The following LEPROTL1 variants were observed in gnomAD, a reference collection of about 807,000 sequenced individuals.
The protein encoded by LEPROTL1 is leptin receptor overlapping transcript like 1.
In LEPROTL1, 6 loss-of-function variants were observed where a neutral mutation model predicts 15.4. The observed-to-expected ratio is 0.39, with a 90% CI of 0.21 to 0.77. The LOEUF is 0.77. Among genes scored for constraint, LEPROTL1 ranks in the 30% least tolerant of loss-of-function variants. LEPROTL1 has a pLI of 0.41. For missense variants in LEPROTL1, 128 were observed against 158.1 expected (o/e 0.81, Z 1.02); for synonymous variants, 56 against 52.6 (o/e 1.06, Z -0.28).
At chr8:30,118,018 TG>T (rs1201785638) in intron 3 of LEPROTL1, among the ~76,000 whole-genome samples, 10 of 89,852 alleles carry the variant, frequency 1.1e-4, no homozygotes, top group African/African-American at 3.6e-4. Flanking sequence ...TTTTTTGATT[TG>T]TTTTTTTTTT....
chr8:30,130,375 A>G (rs1802983849), intron 3 of LEPROTL1, among the ~76,000 whole-genome samples: 1 of 152,236 alleles, frequency 6.6e-6, no homozygotes, highest in Admixed American at 6.5e-5. Context: ...TTTTATAAGT[A>G]AGTTGAATTA....
intron 3 of LEPROTL1, among the ~76,000 whole-genome samples, chr8:30,129,638 G>A (rs927175143): frequency 1.3e-5 from 2 of 151,778 alleles, no homozygotes; most frequent in Non-Finnish European, 2.9e-5. Context: ...CTAGGAGGCA[G>A]AGGTTGCAAT....
At chr8:30,137,535 G>C in exon 5 of LEPROTL1, 1 of 1,431,698 alleles carries the variant, frequency 7.0e-7, no homozygotes, top group Non-Finnish European at 9.6e-7. Flanking sequence ...ACTGCACCAT[G>C]TAGGCAACAC....
intron 1 of LEPROTL1, 30 bp downstream of exon 1, chr8:30,095,558 C>T: frequency 2.2e-6 from 3 of 1,363,706 alleles, no homozygotes; most frequent in Non-Finnish European, 1.9e-6. Context: ...CGCGGGAGGG[C>T]TGGGGCCGGC....
At chr8:30,118,119 G>C (rs1301989559) in intron 3 of LEPROTL1, among the ~76,000 whole-genome samples, 1 of 147,934 alleles carries the variant, frequency 6.8e-6, no homozygotes, top group Admixed American at 6.9e-5. Flanking sequence ...CTGCCTCCTG[G>C]GTTCAAGGGA....
intron 3 of LEPROTL1, among the ~76,000 whole-genome samples, chr8:30,131,278 GTATA>G (rs376348977): frequency 6.2e-4 from 59 of 95,054 alleles, no homozygotes; most frequent in African/African-American, 1.8e-3. Flanking sequence ...ATATGTGTGT[GTATA>G]TATATATATA....
intron 4 of LEPROTL1, chr8:30,132,642 C>T: frequency 6.4e-7 from 1 of 1,551,768 alleles, no homozygotes; most frequent in East Asian, 2.4e-5. Flanking sequence ...AGCTCAGAGC[C>T]CAGAAAGAGT....
chr8:30,108,738 A>G (rs765096757), downstream of LEPROTL1, among the ~76,000 whole-genome samples: 1 of 151,512 alleles, frequency 6.6e-6, no homozygotes, highest in Non-Finnish European at 1.5e-5. Flanking sequence ...AGCGATTCTC[A>G]TACCTCAGCC....
Position 30,124,799 on chromosome 8 carries a change from A to G in LEPROTL1, c.280-7576A>G, listed in dbSNP as rs574415822. Reference sequence around the variant, plus strand: ...GAAATTACCTTTGCTCTTCTCTTCAATCCTAAACAACATGTTCCCTTGAAT... The same window carrying G: ...GAAATTACCTTTGCTCTTCTCTTCAGTCCTAAACAACATGTTCCCTTGAAT... On this transcript the variant is annotated intron_variant, in intron 3 of 4. Coordinates refer to the LEPROTL1 transcript ENST00000442880. Among the ~76,000 whole-genome samples the G allele has an allele frequency of 2.0e-5, 3 of 152,360 alleles. No homozygotes were observed. The South Asian group carries it at 6.2e-4, about 32-fold the overall frequency.
rs1395637145 is a variant in LEPROTL1 at position 30,107,786 on chromosome 8, C to T, written c.*1924C>T. On this transcript the variant is annotated 3_prime_UTR_variant, in exon 4 of 4. Transcript: ENST00000321250. Reference sequence around the variant, plus strand: ...GCAGGAAGTGCATTCTCTGGTCCTTCCCTATTTTCTGTTCTGGATGTCAGT... The same window carrying T: ...GCAGGAAGTGCATTCTCTGGTCCTTTCCTATTTTCTGTTCTGGATGTCAGT... 1 of 985,230 alleles carries T rather than the reference C, an allele frequency of 1.0e-6. No homozygotes were observed. Among genetic ancestry groups the T allele is most frequent in the Non-Finnish European group, 1.2e-6 (1 of 829,928 alleles). 61.0% of individuals were successfully genotyped at this position (985,230 alleles called of 1,614,324 possible).
chr8:30,120,658 GT>G, intron 3 of LEPROTL1, among the ~76,000 whole-genome samples: 1 of 152,076 alleles, frequency 6.6e-6, no homozygotes, highest in African/African-American at 2.4e-5. Context: ...AGCCTCCCAT[GT>G]AGCTGGGACT....
At chr8:30,099,935 G>T (rs187018093) in intron 1 of LEPROTL1, among the ~76,000 whole-genome samples, 3 of 152,318 alleles carry the variant, frequency 2.0e-5, no homozygotes, top group Admixed American at 2.0e-4. Context: ...TCACAGGAGA[G>T]GTGGGCAGGG....
At chr8:30,109,229 C>T (rs1585467874), downstream of LEPROTL1, among the ~76,000 whole-genome samples, 2 of 152,120 alleles carry the variant, frequency 1.3e-5, no homozygotes, top group East Asian at 3.9e-4. Flanking sequence ...GTTTTAGATC[C>T]CAGGATGCTT....
chr8:30,100,298 T>G (rs1315676759), intron 1 of LEPROTL1, among the ~76,000 whole-genome samples: 1 of 152,234 alleles, frequency 6.6e-6, no homozygotes, highest in Non-Finnish European at 1.5e-5. Context: ...GCCTTTGTTT[T>G]GGTAACTTTT....
chr8:30,135,596 G>A (rs1232735241), intron 4 of LEPROTL1, among the ~76,000 whole-genome samples: 3 of 152,094 alleles, frequency 2.0e-5, no homozygotes, highest in Admixed American at 6.6e-5. Context: ...CCACTGGCAA[G>A]ATTATTGAGG....
chr8:30,105,033 G>C (rs561730698), intron 3 of LEPROTL1: 3 of 152,414 alleles, frequency 2.0e-5, no homozygotes, highest in Non-Finnish European at 2.9e-5. Flanking sequence ...ATACTTAACT[G>C]TCAGAGTTGA....
At chr8:30,114,636 G>A (rs1050378954) in intron 3 of LEPROTL1, among the ~76,000 whole-genome samples, 1 of 152,180 alleles carries the variant, frequency 6.6e-6, no homozygotes, top group Non-Finnish European at 1.5e-5. Flanking sequence ...ATGGCCCATT[G>A]TGGACATTTA....
At chr8:30,115,539 ATTTTTTTTTT>A (rs71206228) in intron 3 of LEPROTL1, among the ~76,000 whole-genome samples, 14 of 74,380 alleles carry the variant, frequency 1.9e-4, no homozygotes, top group South Asian at 5.9e-4. Flanking sequence ...TGCCTGGCTA[ATTTTTTTTTT>A]TTTTTTTTTT....
At chr8:30,117,449 T>C (rs188239476) in intron 3 of LEPROTL1, 197 of 1,540,764 alleles carry the variant, frequency 1.3e-4, no homozygotes, top group Non-Finnish European at 1.7e-4. Flanking sequence ...TGGTCCATGA[T>C]GCCAGCTGAG....
Sources: allele counts gnomAD v4.1 joint callset (sites outside exome capture counted in the v4.1 genomes callset), GRCh38; gene constraint gnomAD v4.1.1; transcripts MANE v1.5; gene names NCBI Gene and HGNC (gene_info 2026-07-23, HGNC 2026-07-21).